The following RIMS2 variants were observed in gnomAD, a reference collection of about 807,000 sequenced individuals.
RIMS2 encodes the protein regulating synaptic membrane exocytosis protein 2.
In RIMS2, 59 loss-of-function variants were observed where a neutral mutation model predicts 174.4. The ratio of observed to expected loss-of-function variants is 0.34; its 90% confidence interval spans 0.27 to 0.42. RIMS2 has a LOEUF of 0.42. RIMS2 is among the 10% of genes least tolerant of loss of function. The pLI is 1.00. For missense variants in RIMS2, 1,620 were observed against 1,666.3 expected (o/e 0.97, Z 0.48); for synonymous variants, 606 against 572.5 (o/e 1.06, Z -0.84).
At chr8:103,721,901 C>G (rs755805370) in intron 2 of RIMS2, among the ~76,000 whole-genome samples, 4 of 152,080 alleles carry the variant, frequency 2.6e-5, no homozygotes, top group Non-Finnish European at 5.9e-5. Flanking sequence ...TGACAACTAG[C>G]TTTCTGCATT....
chr8:104,072,721 T>C (rs988617569), intron 19 of RIMS2, among the ~76,000 whole-genome samples: 1 of 152,206 alleles, frequency 6.6e-6, no homozygotes, highest in Non-Finnish European at 1.5e-5. Flanking sequence ...TCAAGACTTC[T>C]GCATTGATAG....
chr8:103,806,116 C>T (rs112265991), intron 3 of RIMS2, among the ~76,000 whole-genome samples: 11 of 152,000 alleles, frequency 7.2e-5, no homozygotes, highest in African/African-American at 2.4e-4. Flanking sequence ...TATTTGACTT[C>T]GTTTAATAAG....
chr8:103,654,355 A>C (rs1402510707), intron 1 of RIMS2, among the ~76,000 whole-genome samples: 1 of 152,026 alleles, frequency 6.6e-6, no homozygotes, highest in Admixed American at 6.6e-5. Flanking sequence ...TAATAAATAT[A>C]ATCCAATCTG....
chr8:104,179,532 C>T (rs1035955734), intron 19 of RIMS2, among the ~76,000 whole-genome samples: 3 of 151,732 alleles, frequency 2.0e-5, no homozygotes, highest in African/African-American at 7.3e-5. Flanking sequence ...TTTATATAAC[C>T]ACTAATTATT....
At chr8:103,602,449 C>G (rs1481291329) in intron 1 of RIMS2, among the ~76,000 whole-genome samples, 2 of 152,008 alleles carry the variant, frequency 1.3e-5, no homozygotes, top group Admixed American at 6.6e-5. Context: ...TGATCCCATC[C>G]CTCCTCCCAC....
intron 3 of RIMS2, among the ~76,000 whole-genome samples, chr8:103,821,369 A>G (rs1451657116): frequency 2.0e-5 from 3 of 151,660 alleles, no homozygotes; most frequent in Non-Finnish European, 3.0e-5. Flanking sequence ...TATATTGATT[A>G]TTATCTAAAA....
chr8:104,057,056 T>C (rs1402975592), intron 19 of RIMS2, among the ~76,000 whole-genome samples: 1 of 147,956 alleles, frequency 6.8e-6, no homozygotes, highest in East Asian at 1.9e-4. Flanking sequence ...TTTTTCTTTT[T>C]CTTTTTCTTT....
rs540693591 is a variant in RIMS2 at position 104,217,540 on chromosome 8, A to G, written c.3335-27376A>G. Among the ~76,000 whole-genome samples, 10 of 152,304 alleles carry G rather than the reference A, an allele frequency of 6.6e-5. No individual in the cohort carries two copies. In the South Asian group the frequency reaches 1.0e-3, roughly 16 times the overall value. ...CACCTCAGCCTCCCAAAATGCTGGGACTACAGGCCTGAGCTGAAGTGTCCA... is the reference window on the plus strand; with the variant it reads ...CACCTCAGCCTCCCAAAATGCTGGGGCTACAGGCCTGAGCTGAAGTGTCCA... On this transcript the variant is annotated intron_variant, in intron 19 of 23. Transcript: ENST00000504942.
intron 3 of RIMS2, among the ~76,000 whole-genome samples, chr8:103,850,837 T>C (rs531078116): frequency 6.6e-6 from 1 of 152,136 alleles, no homozygotes; most frequent in East Asian, 1.9e-4. Context: ...TTTAGAATCC[T>C]ATATGTTTCT....
At chr8:103,645,780 A>G (rs1253200039) in intron 1 of RIMS2, among the ~76,000 whole-genome samples, 1 of 152,156 alleles carries the variant, frequency 6.6e-6, no homozygotes, top group Non-Finnish European at 1.5e-5. Flanking sequence ...TGAAACCAGT[A>G]CACACTAATA....
intron 19 of RIMS2, among the ~76,000 whole-genome samples, chr8:104,097,922 G>A (rs1638918785): frequency 6.6e-6 from 1 of 151,736 alleles, no homozygotes; most frequent in Non-Finnish European, 1.5e-5. Flanking sequence ...AACCTAATAT[G>A]AAGGAAAAAA....
chr8:103,987,256 T>C (rs1378891342), intron 16 of RIMS2, among the ~76,000 whole-genome samples: 1 of 152,120 alleles, frequency 6.6e-6, no homozygotes, highest in Non-Finnish European at 1.5e-5. Context: ...ATACCGGGAC[T>C]ATGTGCCTCT....
rs150974872 is a variant in RIMS2 at position 103,887,878 on chromosome 8, G to T, written c.1624+1655G>T. Among the ~76,000 whole-genome samples, 468 of 151,698 alleles carry T rather than the reference G, an allele frequency of 3.1e-3. 4 individuals carry two copies. Among genetic ancestry groups the T allele is most frequent in the African/African-American group, 0.011 (442 of 41,514 alleles). On this transcript the variant is annotated intron_variant, in intron 4 of 23. Coordinates refer to ENST00000504942, the Ensembl canonical transcript of RIMS2. ...TAACATAAGGAAGATGTGAGTAGCGGTTCATTTCATGTTCCTAATTAGGAA... is the reference window on the plus strand; with the variant it reads ...TAACATAAGGAAGATGTGAGTAGCGTTTCATTTCATGTTCCTAATTAGGAA...
intron 14 of RIMS2, among the ~76,000 whole-genome samples, chr8:103,956,402 T>C (rs1486915852): frequency 6.6e-6 from 1 of 151,990 alleles, no homozygotes; most frequent in Non-Finnish European, 1.5e-5. Context: ...CCAAAACAGA[T>C]ATATAGACCA....
At chr8:104,233,214 C>T (rs191576122) in intron 19 of RIMS2, among the ~76,000 whole-genome samples, 2 of 152,226 alleles carry the variant, frequency 1.3e-5, no homozygotes, top group African/African-American at 2.4e-5. Context: ...TAAATTCCTC[C>T]TCAGAAGGAC....
At chr8:103,887,808 C>T (rs2099214020) in intron 4 of RIMS2, among the ~76,000 whole-genome samples, 2 of 151,454 alleles carry the variant, frequency 1.3e-5, no homozygotes, top group Non-Finnish European at 1.5e-5. Flanking sequence ...AAATAACTAA[C>T]AAGAAATGAG....
intron 1 of RIMS2, among the ~76,000 whole-genome samples, chr8:103,651,215 G>T (rs868010264): frequency 6.6e-6 from 1 of 152,194 alleles, no homozygotes; most frequent in Non-Finnish European, 1.5e-5. Flanking sequence ...CCTTTGCTCC[G>T]TGCTGCTCCC....
At chr8:103,665,570 C>T (rs2096658276) in intron 1 of RIMS2, among the ~76,000 whole-genome samples, 1 of 152,144 alleles carries the variant, frequency 6.6e-6, no homozygotes, top group Non-Finnish European at 1.5e-5. Context: ...TAATCTTTCT[C>T]AACATTGTCT....
intron 2 of RIMS2, among the ~76,000 whole-genome samples, chr8:103,727,235 ATAG>A (rs1475995821): frequency 6.6e-6 from 1 of 152,090 alleles, no homozygotes; most frequent in Non-Finnish European, 1.5e-5. Context: ...GAAAATAATA[ATAG>A]TTTACCTTCT....
Sources: allele counts gnomAD v4.1 joint callset (sites outside exome capture counted in the v4.1 genomes callset), GRCh38; gene constraint gnomAD v4.1.1; transcripts MANE v1.5; gene names NCBI Gene and HGNC (gene_info 2026-07-23, HGNC 2026-07-21).